Variants in PPP2R2C observed in about 807,000 individuals in gnomAD.
The protein encoded by PPP2R2C is protein phosphatase 2 regulatory subunit Bgamma.
Under a neutral mutation model 45.3 loss-of-function variants are expected in PPP2R2C, and 10 were observed. The observed-to-expected ratio is 0.22, with a 90% confidence interval of 0.14 to 0.37. The LOEUF is 0.37. Among genes scored for constraint, PPP2R2C ranks in the 10% least tolerant of loss-of-function variants. The pLI is 1.00. For synonymous variants in PPP2R2C, 257 were observed against 245.4 expected (o/e 1.05, Z -0.44); for missense variants, 308 against 619.7 (o/e 0.50, Z 5.34).
intron 2 of PPP2R2C, among the ~76,000 whole-genome samples, chr4:6,532,878 AGCT>A (rs1268797026): frequency 6.6e-6 from 1 of 152,234 alleles, no homozygotes; most frequent in African/African-American, 2.4e-5. Context: ...TCTGTGCCCT[AGCT>A]GCAAGGGAGG....
At chr4:6,432,937 C>T (rs897412961) in intron 1 of PPP2R2C, among the ~76,000 whole-genome samples, 7 of 152,068 alleles carry the variant, frequency 4.6e-5, no homozygotes, top group African/African-American at 1.7e-4. Context: ...ATGAAGACAA[C>T]GAGGATAAAG....
At chr4:6,535,018 G>A (rs536349748) in intron 2 of PPP2R2C, among the ~76,000 whole-genome samples, 32 of 152,348 alleles carry the variant, frequency 2.1e-4, no homozygotes, top group Admixed American at 7.8e-4. Flanking sequence ...AGGAGGTGGC[G>A]CATGAAGGGG....
chr4:6,501,783 T>G (rs933602466), intron 2 of PPP2R2C, among the ~76,000 whole-genome samples: 5 of 152,314 alleles, frequency 3.3e-5, no homozygotes, highest in Admixed American at 6.5e-5. Flanking sequence ...CAGTCTGCTC[T>G]CTCAACCACG....
At chr4:6,340,214 T>G (rs1733340400) in intron 6 of PPP2R2C, among the ~76,000 whole-genome samples, 1 of 152,080 alleles carries the variant, frequency 6.6e-6, no homozygotes, top group Admixed American at 6.5e-5. Flanking sequence ...GCTCTCCCCT[T>G]AACCCATCTT....
At chr4:6,530,981 TG>T (rs1471918003) in intron 2 of PPP2R2C, among the ~76,000 whole-genome samples, 4 of 152,176 alleles carry the variant, frequency 2.6e-5, no homozygotes, top group African/African-American at 9.7e-5. Flanking sequence ...CACTGTGCTC[TG>T]GGGTCTCAAA....
Position 6,345,031 on chromosome 4 carries a change from CA to C in PPP2R2C, c.790+2814del, listed in dbSNP as rs1711709200. Among the ~76,000 whole-genome samples, 1 of 152,164 alleles carries C rather than the reference CA, an allele frequency of 6.6e-6. No homozygotes were observed. The highest frequency in any genetic ancestry group is 1.5e-5 in the Non-Finnish European group (1 of 68,030). On this transcript the variant is annotated intron_variant, in intron 6 of 8. Coordinates refer to ENST00000382599, the MANE Select transcript of PPP2R2C (RefSeq NM_020416.4). The surrounding 1 kb of genome is among the most constrained non-coding windows in gnomAD (Gnocchi z 5.3). The stretch of plus-strand genomic sequence containing the variant: ...ACACCAACGGTTCCAGAAAAAGAAA[CA>C]AAAAGCTGCCTCACTCATTTCAGAA...
chr4:6,350,836 G>A, intron 5 of PPP2R2C: 1 of 985,430 alleles, frequency 1.0e-6, no homozygotes, highest in South Asian at 4.7e-5. Context: ...TCGCACCAAA[G>A]CCAGCCTGTG....
At chr4:6,348,472 G>C (rs1712213899) in intron 5 of PPP2R2C, among the ~76,000 whole-genome samples, 1 of 152,092 alleles carries the variant, frequency 6.6e-6, no homozygotes, top group African/African-American at 2.4e-5. Context: ...TTTTCAAATT[G>C]TGTCTGGAAT....
In PPP2R2C at chr4:6,331,486, A is replaced by G. The variant is rs1732410756; in HGVS notation, c.960+2076T>C. On this transcript the variant is annotated intron_variant, in intron 7 of 8. Coordinates refer to ENST00000382599, the MANE Select transcript of PPP2R2C (RefSeq NM_020416.4). The surrounding 1 kb of genome is among the most constrained non-coding windows in gnomAD (Gnocchi z 5.9). The stretch of plus-strand genomic sequence containing the variant: ...CCTTCTTCAACCACAGAGGCTGTTA[A>G]ACCATTAATCTTCCCAGCCACTATG... 6.6e-6 allele frequency among the ~76,000 whole-genome samples: 1 copy of G among 152,114 alleles called. No individual in the cohort carries two copies.
intron 6 of PPP2R2C, among the ~76,000 whole-genome samples, chr4:6,334,312 T>C (rs1732661835): frequency 6.6e-6 from 1 of 152,108 alleles, no homozygotes; most frequent in Admixed American, 6.5e-5. Flanking sequence ...GTTGGTACAG[T>C]CTCCTGTATG....
intron 5 of PPP2R2C, among the ~76,000 whole-genome samples, chr4:6,348,250 C>T (rs1175816287): frequency 6.6e-6 from 1 of 151,946 alleles, no homozygotes; most frequent in Admixed American, 6.6e-5. Flanking sequence ...CCCACCACTT[C>T]CCTCCTGACC....
At chr4:6,436,117 A>G (rs924571242) in intron 1 of PPP2R2C, among the ~76,000 whole-genome samples, 3 of 152,208 alleles carry the variant, frequency 2.0e-5, no homozygotes, top group African/African-American at 7.2e-5. Context: ...ATGAACAAGA[A>G]AACAGGTCCT....
intron 1 of PPP2R2C, among the ~76,000 whole-genome samples, chr4:6,539,289 G>C (rs1010706509): frequency 1.2e-4 from 18 of 152,332 alleles, no homozygotes; most frequent in African/African-American, 4.3e-4. Context: ...CAGAAGCCAG[G>C]AGAAGAGGCT....
At position 6,496,385 on chromosome 4, in the gene PPP2R2C, T is replaced by G. The variant is rs993797703; in HGVS notation, c.49+38886A>C. ...GGATGGGATTTACTGAGAGCTGATC[T>G]GTGAAATGGACGCAACAGAGGCTTT... is the stretch of plus-strand genomic sequence containing the variant. On this transcript the variant is annotated intron_variant, in intron 2 of 9. Coordinates refer to the PPP2R2C transcript ENST00000506140. 2.0e-4 allele frequency among the ~76,000 whole-genome samples: 30 copies of G among 152,214 alleles called. 1 individual carries two copies. Among genetic ancestry groups the G allele is most frequent in the African/African-American group, 7.0e-4 (29 of 41,440 alleles).
chr4:6,541,289 G>T (rs566460638), intron 1 of PPP2R2C, among the ~76,000 whole-genome samples: 1 of 152,320 alleles, frequency 6.6e-6, no homozygotes, highest in African/African-American at 2.4e-5. Flanking sequence ...ATATTGGGAA[G>T]ACAACCAGCA....
intron 5 of PPP2R2C, among the ~76,000 whole-genome samples, chr4:6,371,345 CA>C (rs1476738205): frequency 6.6e-6 from 1 of 152,222 alleles, no homozygotes; most frequent in Non-Finnish European, 1.5e-5. Context: ...TCTCAGACCA[CA>C]AAAGCCATTT....
intron 1 of PPP2R2C, among the ~76,000 whole-genome samples, chr4:6,469,716 T>G (rs866499643): frequency 6.6e-6 from 1 of 152,226 alleles, no homozygotes; most frequent in African/African-American, 2.4e-5. Context: ...GACTTTAACA[T>G]GATTCAAGTC....
At chr4:6,398,653 T>C (rs1703871274) in intron 1 of PPP2R2C, among the ~76,000 whole-genome samples, 1 of 152,022 alleles carries the variant, frequency 6.6e-6, no homozygotes, top group South Asian at 2.1e-4. Flanking sequence ...GCTGGGGGAA[T>C]GAAAAACGAT....
intron 5 of PPP2R2C, among the ~76,000 whole-genome samples, chr4:6,355,019 T>C (rs957507163): frequency 1.3e-5 from 2 of 152,178 alleles, no homozygotes; most frequent in Non-Finnish European, 2.9e-5. Context: ...AAAATAAACA[T>C]TTATTTTACC....
Sources: gnomAD v4.1 joint callset for allele counts (sites outside exome capture counted in the v4.1 genomes callset) on GRCh38, gnomAD v4.1.1 for gene constraint, Gnocchi (gnomAD v3.1) non-coding constraint, MANE v1.5 for transcripts, NCBI Gene and HGNC (gene_info 2026-07-23, HGNC 2026-07-21) for gene names.